The following TUB variants were observed in gnomAD, a reference collection of about 807,000 sequenced individuals.
The protein encoded by TUB is TUB bipartite transcription factor.
TUB carries 33 observed loss-of-function variants against 59.7 expected under a neutral mutation model. That is an observed-to-expected ratio of 0.55 (90% confidence interval 0.42 to 0.74). The LOEUF is 0.74. Among genes scored for constraint, TUB ranks in the 30% least tolerant of loss-of-function variants. The pLI is 0.00. For synonymous variants in TUB, 293 were observed against 256.4 expected, an observed-to-expected ratio of 1.14 and a Z score of -1.36; for missense variants, 659 against 672.0, an observed-to-expected ratio of 0.98 and a Z score of 0.21.
In TUB at chr11:8,103,595, A is replaced by G. The variant is rs1256742305; in HGVS notation, c.*1976A>G. The G allele has an allele frequency of 6.6e-6, 1 of 152,626 alleles. No individual in the cohort carries two copies. Among genetic ancestry groups the G allele is most frequent in the African/African-American group, 2.4e-5 (1 of 41,454 alleles). The allele number at this position is 152,626 out of a possible 1,614,324, so 9.5% of individuals were successfully genotyped here. A position where few individuals can be genotyped will look rare whatever the true frequency, so the allele number is the denominator to read the frequency against. On this transcript the variant is annotated 3_prime_UTR_variant, in exon 12 of 12. Transcript: ENST00000299506. ...CTGTGAGAGACCCCCTCCAACGATT[A>G]GCTTTTGCAACATGGTCCAGTTTCT...
chr11:8,076,763 G>A (rs1428499643), upstream of TUB: 1 of 152,022 alleles, frequency 6.6e-6, no homozygotes, highest in Non-Finnish European at 1.5e-5. Flanking sequence ...CTATTACTTT[G>A]TTTTATGCCC....
At chr11:8,069,766 C>T (rs1589948565) in intron 2 of TUB, among the ~76,000 whole-genome samples, 1 of 152,088 alleles carries the variant, frequency 6.6e-6, no homozygotes, top group South Asian at 2.1e-4. Flanking sequence ...AGACGAGTAG[C>T]TTATCCCAGT....
At chr11:8,056,939 C>T (rs918150369) in intron 2 of TUB, among the ~76,000 whole-genome samples, 11 of 152,104 alleles carry the variant, frequency 7.2e-5, no homozygotes, top group Non-Finnish European at 1.3e-4. Context: ...TCTCTCCACA[C>T]GTCACGAGTT....
Position 8,101,855 on chromosome 11 carries a change from T to TAC in TUB, c.*236_*237insAC. The TAC allele has an allele frequency of 8.4e-6, 4 of 475,800 alleles. No individual in the cohort carries two copies. The highest frequency in any genetic ancestry group is 1.4e-5 in the Non-Finnish European group (4 of 288,140). 29.5% of individuals were successfully genotyped at this position (475,800 alleles called of 1,614,324 possible). A position where few individuals can be genotyped will look rare whatever the true frequency, so the allele number is the denominator to read the frequency against. ...GAAGGGATGAGAATAATTCTTTCCA[T>TAC]GCCACGAGATCAACACACACTCCCA... is the stretch of plus-strand genomic sequence containing the variant. On this transcript the variant is annotated 3_prime_UTR_variant, in exon 12 of 12. Transcript: ENST00000299506.
At chr11:8,044,938 T>C (rs1942808209) in intron 2 of TUB, among the ~76,000 whole-genome samples, 1 of 152,190 alleles carries the variant, frequency 6.6e-6, no homozygotes, top group African/African-American at 2.4e-5. Context: ...CCATGACTTC[T>C]CCAGGTGTGC....
intron 6 of TUB, 49 bp from the exon 7 acceptor site, chr11:8,097,179 G>A (rs1184075507): frequency 1.2e-6 from 2 of 1,601,014 alleles, no homozygotes; most frequent in African/African-American, 2.7e-5. Flanking sequence ...CACCAATTTG[G>A]GCTGCTTAGG....
intron 2 of TUB, among the ~76,000 whole-genome samples, chr11:8,054,888 C>T (rs1942993558): frequency 1.3e-5 from 2 of 152,176 alleles, no homozygotes; most frequent in African/African-American, 4.8e-5. Flanking sequence ...ATGGCTTATT[C>T]TCTGCCATTT....
chr11:8,101,897 G>GC lies in TUB; in HGVS notation c.*278_*279insC. On this transcript the variant is annotated 3_prime_UTR_variant, in exon 12 of 12. Transcript: ENST00000299506. ...ACACTCCCACCCTTGGGGTAGTAGT[G>GC]TGTTGTAGTCGTACTTACCAAGCTG... 2.2e-6 allele frequency: 1 copy of GC among 454,410 alleles called. No homozygotes were observed. The allele number at this position is 454,410 out of a possible 1,614,324, so 28.1% of individuals were successfully genotyped here. A position where few individuals can be genotyped will look rare whatever the true frequency, so the allele number is the denominator to read the frequency against.
Position 8,058,725 on chromosome 11 carries a change from T to A in TUB, c.203+19033T>A, listed in dbSNP as rs191982651. On this transcript the variant is annotated intron_variant, in intron 2 of 12. Coordinates refer to the TUB transcript ENST00000305253. ...TTCACTTTCAACTTACTTGTTAACATAAATGAAAATATCAAGCAGCATTAA... is the reference window on the plus strand; with the variant it reads ...TTCACTTTCAACTTACTTGTTAACAAAAATGAAAATATCAAGCAGCATTAA... Among the ~76,000 whole-genome samples, 6 of 152,314 alleles carry A rather than the reference T, an allele frequency of 3.9e-5. No individual in the cohort carries two copies. The East Asian group carries it at 1.2e-3, about 29-fold the overall frequency.
chr11:8,104,665 ATGT>A lies in TUB; in HGVS notation c.*3051_*3053del, dbSNP rs1264240716. 1 of 152,176 alleles carries A rather than the reference ATGT, an allele frequency of 6.6e-6. No individual in the cohort carries two copies. Among genetic ancestry groups the A allele is most frequent in the Admixed American group, 6.5e-5 (1 of 15,282 alleles). The allele number at this position is 152,176 out of a possible 1,614,324, so 9.4% of individuals were successfully genotyped here. On this transcript the variant is annotated 3_prime_UTR_variant, in exon 12 of 12. Coordinates refer to ENST00000299506, the MANE Select transcript of TUB (RefSeq NM_177972.3). ...CTGAGTCAGAGGACACCATCCAAGAATGTTGTTAGCTTTTCAGTTCCCGCTCTG... is the reference window on the plus strand; with the variant it reads ...CTGAGTCAGAGGACACCATCCAAGAATGTTAGCTTTTCAGTTCCCGCTCTG...
intron 1 of TUB, among the ~76,000 whole-genome samples, chr11:8,022,293 A>C (rs995602490): frequency 6.6e-6 from 1 of 152,252 alleles, no homozygotes; most frequent in African/African-American, 2.4e-5. Context: ...TTACACAAGC[A>C]ACACATACAT....
At chr11:8,063,690 AT>A (rs1943177580) in intron 2 of TUB, among the ~76,000 whole-genome samples, 1 of 152,136 alleles carries the variant, frequency 6.6e-6, no homozygotes, top group South Asian at 2.1e-4. Flanking sequence ...CTTTCTTAGT[AT>A]TTTACTGGGA....
At chr11:8,099,698 A>G (rs975138665) in intron 9 of TUB, among the ~76,000 whole-genome samples, 1 of 152,236 alleles carries the variant, frequency 6.6e-6, no homozygotes, top group Non-Finnish European at 1.5e-5. Flanking sequence ...CACTAAGAAG[A>G]AAAAGTAGGG....
chr11:8,097,430 G>A lies in TUB; in HGVS notation c.885+5G>A. On this transcript the variant is annotated splice_donor_5th_base_variant and intron_variant, in intron 7 of 11. Coordinates refer to ENST00000299506, the MANE Select transcript of TUB (RefSeq NM_177972.3). ...GACCGTGAGGATGGGAAGAAGGTAA[G>A]GTTGGTCTGGGCATGTTATCATCTA... is the stretch of plus-strand genomic sequence containing the variant. 6.2e-7 allele frequency: 1 copy of A among 1,614,226 alleles called. No individual in the cohort carries two copies. Among genetic ancestry groups the A allele is most frequent in the South Asian group, 1.1e-5 (1 of 91,068 alleles).
At chr11:8,052,802 G>A (rs879481578) in intron 2 of TUB, among the ~76,000 whole-genome samples, 2 of 151,994 alleles carry the variant, frequency 1.3e-5, no homozygotes, top group African/African-American at 2.4e-5. Context: ...TTTTTAAATT[G>A]GATGTTTCTG....
In TUB at chr11:8,100,945, G is replaced by A. The variant is rs199621951; in HGVS notation, c.1335G>A (p.Gly445=). The A allele has an allele frequency of 4.3e-5, 69 of 1,614,040 alleles. No homozygotes were observed. The highest frequency in any genetic ancestry group is 5.5e-5 in the Non-Finnish European group (65 of 1,180,036). The change falls in exon 11 of 12, where the codon GGG becomes GGA. Residue 445 remains glycine, a synonymous_variant. Transcript: ENST00000299506. The part of the protein sequence containing the change: ...DTQSYVLNFH[G]RVTQASVKNF... ...AGTCCTATGTACTCAACTTCCATGG[G>A]CGCGTCACACAGGCCTCCGTGAAGA...
intron 1 of TUB, among the ~76,000 whole-genome samples, chr11:8,089,035 G>A (rs1943719793): frequency 6.6e-6 from 1 of 152,244 alleles, no homozygotes; most frequent in South Asian, 2.1e-4. Context: ...ATGAGAAGGA[G>A]GACCCTCTGC....
At chr11:8,029,388 C>CTTTTTTTTT (rs71059146) in intron 1 of TUB, among the ~76,000 whole-genome samples, 1 of 123,578 alleles carries the variant, frequency 8.1e-6, no homozygotes, top group African/African-American at 3.0e-5. Context: ...TTCTTTCTTT[C>CTTTTTTTTT]TTTTTTTTTT....
exon 1 of TUB, chr11:8,038,949 A>C: frequency 6.2e-7 from 1 of 1,613,678 alleles, no homozygotes; most frequent in Non-Finnish European, 8.5e-7. Flanking sequence ...CCCAGGAGGC[A>C]CTCCCTGGCC....
Sources: allele counts gnomAD v4.1 joint callset (sites outside exome capture counted in the v4.1 genomes callset), GRCh38; gene constraint gnomAD v4.1.1; transcripts MANE v1.5; gene names NCBI Gene and HGNC (gene_info 2026-07-23, HGNC 2026-07-21).